The following GAR1 variants were observed in gnomAD, a reference collection of about 807,000 sequenced individuals.
GAR1 encodes GAR1 ribonucleoprotein, also known as H/ACA ribonucleoprotein complex subunit 1.
GAR1 carries 11 observed loss-of-function variants against 29.3 expected under a neutral mutation model. The observed-to-expected ratio is 0.38, with a 90% confidence interval of 0.24 to 0.62. The LOEUF (loss-of-function observed/expected upper bound fraction) is 0.62. Ranked by LOEUF, GAR1 falls within the 20% of genes least tolerant of loss-of-function variation. GAR1 has a pLI of 0.62. For synonymous variants in GAR1, 87 were observed against 93.3 expected (o/e 0.93, Z 0.39); for missense variants, 237 against 268.4 (o/e 0.88, Z 0.82).
chr4:109,822,155 T>TA (rs59097048), intron 4 of GAR1, among the ~76,000 whole-genome samples, 192 bp from the exon 5 acceptor site: 17,882 of 101,160 alleles, frequency 0.18, 1,441 homozygotes, highest in Middle Eastern at 0.22. Context: ...GAACTTAAGG[T>TA]AAAAAAAAAA....
At chr4:109,824,340 TA>T in intron 6 of GAR1, 77 bp from the exon 7 acceptor site, 1 of 997,414 alleles carries the variant, frequency 1.0e-6, no homozygotes, top group Non-Finnish European at 1.6e-6. Context: ...ATGCTGATTT[TA>T]AACTTGAGAT....
chr4:109,821,579 C>T (rs1282314727), intron 4 of GAR1, among the ~76,000 whole-genome samples: 2 of 152,032 alleles, frequency 1.3e-5, no homozygotes, highest in Non-Finnish European at 2.9e-5. Context: ...TCAGAAGATA[C>T]CCTTTTGATC....
intron 4 of GAR1, 87 bp from the exon 5 acceptor site, chr4:109,822,260 C>A: frequency 1.4e-6 from 1 of 737,186 alleles, no homozygotes; most frequent in Non-Finnish European, 2.2e-6. Context: ...TGAACCCAGG[C>A]AGTTTTGACT....
intron 2 of GAR1, among the ~76,000 whole-genome samples, chr4:109,817,629 A>T (rs905735689): frequency 6.6e-6 from 1 of 152,220 alleles, no homozygotes; most frequent in Non-Finnish European, 1.5e-5. Flanking sequence ...AGCACTTGAC[A>T]TTTGTTATTC....
At chr4:109,819,953 A>T (rs996643413) in intron 4 of GAR1, among the ~76,000 whole-genome samples, 2 of 152,214 alleles carry the variant, frequency 1.3e-5, no homozygotes, top group African/African-American at 4.8e-5. Flanking sequence ...AGGTGACAGG[A>T]AAGAGTTTAG....
Position 109,823,959 on chromosome 4 carries a change from T to C in GAR1, c.572-6T>C. On this transcript the variant is annotated splice_region_variant and splice_polypyrimidine_tract_variant and intron_variant, in intron 5 of 6. Transcript: ENST00000226796. ...TTTGCGTTATTATTTAATAAATGTT[T>C]TTTAGGTGGTTTTAGAGGTGGAAGA... The C allele has an allele frequency of 6.3e-7, 1 of 1,583,316 alleles. No homozygotes were observed. The highest frequency in any genetic ancestry group is 8.7e-7 in the Non-Finnish European group (1 of 1,153,584).
Position 109,822,356 on chromosome 4 carries a change from G to T in GAR1, c.439G>T (p.Asp147Tyr). 1 of 1,568,636 alleles carries T rather than the reference G, an allele frequency of 6.4e-7. No homozygotes were observed. Among genetic ancestry groups the T allele is most frequent in the Non-Finnish European group, 8.7e-7 (1 of 1,152,268 alleles). ...SFKKLQKFYI[D>Y]PYKLLPLQRF... ...TCTATTATGTTTCCAGTTTTATATA[G>T]ACCCATATAAGCTGCTGCCACTGCA... The change falls in exon 5 of 7, where the codon GAC (aspartate) becomes TAC (tyrosine). Residue 147 changes from aspartate to tyrosine, a missense_variant. Transcript: ENST00000226796.
chr4:109,819,629 C>T (rs1055564980), intron 4 of GAR1: 1 of 152,526 alleles, frequency 6.6e-6, no homozygotes, highest in Non-Finnish European at 1.5e-5. Flanking sequence ...GAAGATGTAT[C>T]TCTAGTTTCC....
chr4:109,817,357 G>A (rs1170716694), intron 2 of GAR1, among the ~76,000 whole-genome samples: 1 of 152,156 alleles, frequency 6.6e-6, no homozygotes, highest in Non-Finnish European at 1.5e-5. Context: ...TTAGTTTGGG[G>A]TGACAGTCTA....
intron 4 of GAR1, among the ~76,000 whole-genome samples, chr4:109,820,473 A>G (rs1185083695): frequency 1.3e-5 from 2 of 152,168 alleles, no homozygotes; most frequent in Non-Finnish European, 1.5e-5. Context: ...GAAACATTGT[A>G]GGAAGAAAGA....
At chr4:109,820,597 C>T (rs946359316) in intron 4 of GAR1, among the ~76,000 whole-genome samples, 1 of 151,894 alleles carries the variant, frequency 6.6e-6, no homozygotes, top group African/African-American at 2.4e-5. Context: ...AAACCACAAG[C>T]CTGTCATAAA....
chr4:109,822,641 A>C, intron 5 of GAR1, 153 bp downstream of exon 5: 2 of 695,180 alleles, frequency 2.9e-6, no homozygotes, highest in Non-Finnish European at 4.3e-6. Flanking sequence ...CATAATAATA[A>C]TGCTTCATTT....
intron 4 of GAR1, chr4:109,819,272 C>T (rs1733443148): frequency 1.6e-5 from 9 of 556,734 alleles, no homozygotes; most frequent in Admixed American, 1.4e-4. Flanking sequence ...ACAACTTTTG[C>T]TCATATTACC....
In GAR1 at chr4:109,824,418, G is replaced by T; in HGVS notation, c.641G>T (p.Gly214Val). Residue 214 changes from glycine to valine, a missense_variant and splice_region_variant, in exon 7 of 7, where the codon GGG (glycine) becomes GTG (valine). By Grantham distance (109) the Gly-to-Val change is moderately radical (BLOSUM62 -3). Transcript: ENST00000226796. ...FRGGRGGGFRGRGH is the reference protein window; with the variant it reads ...FRGGRGGGFRVRGH ...AATACTTTAATTTTCTCTTAATCAG[G>T]GAGAGGACATTAAGTGAAACAGTTG... The T allele has an allele frequency of 6.3e-7, 1 of 1,585,368 alleles. No homozygotes were observed. The highest frequency in any genetic ancestry group is 8.7e-7 in the Non-Finnish European group (1 of 1,154,484).
In GAR1 at chr4:109,816,047, G is replaced by A. The variant is rs974379227; in HGVS notation, c.-12-106G>A. 5 of 1,072,942 alleles carry A rather than the reference G, an allele frequency of 4.7e-6. No individual in the cohort carries two copies. In the African/African-American group the frequency reaches 7.8e-5, roughly 17 times the overall value. The allele number at this position is 1,072,942 out of a possible 1,614,324, so 66.5% of individuals were successfully genotyped here. On this transcript the variant is annotated intron_variant, in intron 1 of 6. Transcript: ENST00000226796. Reference sequence around the variant, plus strand: ...TGTCTGACCGTGGGTGAGGTGACAGGGCTGCTTTTGTCTCCTTTATGGTGT... The same window carrying A: ...TGTCTGACCGTGGGTGAGGTGACAGAGCTGCTTTTGTCTCCTTTATGGTGT...
At chr4:109,816,968 A>G (rs1372051144) in intron 2 of GAR1, among the ~76,000 whole-genome samples, 2 of 152,204 alleles carry the variant, frequency 1.3e-5, no homozygotes, top group Non-Finnish European at 2.9e-5. Context: ...AAAAACACCT[A>G]TTTAGGGTAG....
In GAR1 at chr4:109,822,388, T is replaced by C; in HGVS notation, c.471T>C (p.Phe157=). The change falls in exon 5 of 7, where the codon TTT becomes TTC. Residue 157 remains phenylalanine, a synonymous_variant. Coordinates refer to ENST00000226796, the MANE Select transcript of GAR1 (RefSeq NM_018983.4). ...DPYKLLPLQR[F]LPRPPGEKGP... is the part of the protein sequence containing the mutation. ...ATAAGCTGCTGCCACTGCAGAGGTTTTTACCTCGACCTCCAGGTGAGAAAG... is the reference window on the plus strand; with the variant it reads ...ATAAGCTGCTGCCACTGCAGAGGTTCTTACCTCGACCTCCAGGTGAGAAAG... 1 of 1,609,268 alleles carries C rather than the reference T, an allele frequency of 6.2e-7. No homozygotes were observed.
intron 4 of GAR1, among the ~76,000 whole-genome samples, chr4:109,819,848 A>C (rs1456983298): frequency 6.6e-6 from 1 of 152,242 alleles, no homozygotes; most frequent in Admixed American, 6.5e-5. Flanking sequence ...AAAAAGGCAG[A>C]CATATAGGTT....
At chr4:109,821,000 ATTGTT>A (rs1733498804) in intron 4 of GAR1, among the ~76,000 whole-genome samples, 2 of 152,016 alleles carry the variant, frequency 1.3e-5, no homozygotes, top group Non-Finnish European at 2.9e-5. Context: ...TTGGGGGCTT[ATTGTT>A]TAGTTTTTTG....
Sources: allele counts gnomAD v4.1 joint callset (sites outside exome capture counted in the v4.1 genomes callset), GRCh38; gene constraint gnomAD v4.1.1; transcripts MANE v1.5; gene names NCBI Gene and HGNC (gene_info 2026-07-23, HGNC 2026-07-21).